The following ZFYVE28 variants were observed in gnomAD, a reference collection of about 807,000 sequenced individuals.
ZFYVE28 encodes the protein lateral signaling target protein 2 homolog.
Under a neutral mutation model 82.1 loss-of-function variants are expected in ZFYVE28, and 40 were observed. That is an observed-to-expected ratio of 0.49 (90% CI 0.38 to 0.63). The LOEUF (loss-of-function observed/expected upper bound fraction) is 0.63. Among genes scored for constraint, ZFYVE28 ranks in the 30% least tolerant of loss-of-function variants. ZFYVE28 has a pLI of 0.00. For synonymous variants in ZFYVE28, 612 were observed against 546.1 expected (o/e 1.12, Z -1.68); for missense variants, 1,321 against 1,242.1 (o/e 1.06, Z -0.96).
intron 2 of ZFYVE28, among the ~76,000 whole-genome samples, chr4:2,353,187 G>A (rs747492839): frequency 2.0e-5 from 3 of 152,332 alleles, no homozygotes; most frequent in Non-Finnish European, 2.9e-5. Flanking sequence ...AGTTCCCACC[G>A]CAGCAGGGCC....
At chr4:2,385,529 C>T (rs188618654) in intron 1 of ZFYVE28, among the ~76,000 whole-genome samples, 13 of 152,354 alleles carry the variant, frequency 8.5e-5, no homozygotes, top group African/African-American at 2.4e-4. Context: ...AGCAGCAAAG[C>T]GCCCCTTTGT....
At chr4:2,322,465 G>A (rs79194530) in intron 6 of ZFYVE28, among the ~76,000 whole-genome samples, 3,810 of 151,366 alleles carry the variant, frequency 0.025, 149 homozygotes, top group African/African-American at 0.079. Context: ...GGGTCTCGGT[G>A]TGGCCAGGGG....
chr4:2,343,588 T>G (rs3828563), intron 2 of ZFYVE28: 30,549 of 152,232 alleles, frequency 0.2, 3,232 homozygotes, highest in East Asian at 0.27. Flanking sequence ...AACAAACAAA[T>G]GAGCAAACAA....
At chr4:2,351,214 G>A (rs1004770859) in intron 2 of ZFYVE28, among the ~76,000 whole-genome samples, 2 of 152,084 alleles carry the variant, frequency 1.3e-5, no homozygotes, top group African/African-American at 2.4e-5. Flanking sequence ...CCCCACTGCT[G>A]TCCCCTGCAG....
rs939784164 is a variant in ZFYVE28, at chr4:2,270,660, C to T, written c.*65G>A. On this transcript the variant is annotated 3_prime_UTR_variant, in exon 13 of 13. Transcript: ENST00000290974. ...CATGAGACGCAGTGAGACCTGCCTG[C>T]AGCGTGGCCCCACCTTCCTGGGGGT... 3.1e-6 allele frequency: 5 copies of T among 1,603,982 alleles called. No homozygotes were observed. In the African/African-American group the frequency reaches 6.7e-5, roughly 21 times the overall value.
At chr4:2,364,435 C>T (rs1726586059) in intron 1 of ZFYVE28, 14 of 985,464 alleles carry the variant, frequency 1.4e-5, no homozygotes, top group Non-Finnish European at 1.6e-5. Context: ...AAGCAAACTG[C>T]CAGGAAAGGC....
intron 6 of ZFYVE28, chr4:2,324,917 T>G (rs1341114129): frequency 5.3e-6 from 1 of 188,676 alleles, no homozygotes; most frequent in East Asian, 1.2e-4. Context: ...GAAGCTGACT[T>G]ACCAACTTAC....
chr4:2,305,299 G>A lies in ZFYVE28; in HGVS notation c.1041C>T (p.Arg347=), dbSNP rs771809226. ...YDDQELEQLS[R]MVHRAGDEMS... ...TCTCGTCCCCCGCCCTGTGGACCAT[G>A]CGGCTGAGCTGCTCCAGCTCCTGGT... Residue 347 remains arginine (R), a synonymous_variant, in exon 8 of 13, where the codon CGC becomes CGT. Transcript: ENST00000290974. The A allele has an allele frequency of 1.2e-5, 20 of 1,613,034 alleles. No homozygotes were observed. The highest frequency in any genetic ancestry group is 1.6e-4 in the Middle Eastern group (1 of 6,084).
chr4:2,412,246 G>C (rs564976914), intron 1 of ZFYVE28, among the ~76,000 whole-genome samples: 2 of 152,166 alleles, frequency 1.3e-5, no homozygotes, highest in Admixed American at 1.3e-4. Flanking sequence ...GGAGGAACTG[G>C]AAGCTGTGAT....
Position 2,341,767 on chromosome 4 carries a change from G to A in ZFYVE28, c.181-152C>T, listed in dbSNP as rs1175529982. 2.0e-5 allele frequency: 23 copies of A among 1,168,816 alleles called. No individual in the cohort carries two copies. The highest frequency in any genetic ancestry group is 2.7e-5 in the Admixed American group (1 of 36,980). 72.4% of individuals were successfully genotyped at this position (1,168,816 alleles called of 1,614,324 possible). ...AGGCACGGTGGCTCATGCCTATAATGCCAGCACTTTGGGAGGCCGAGGCGG... is the reference window on the plus strand; with the variant it reads ...AGGCACGGTGGCTCATGCCTATAATACCAGCACTTTGGGAGGCCGAGGCGG... On this transcript the variant is annotated intron_variant, in intron 2 of 12. Transcript: ENST00000290974. The surrounding 1 kb of genome is among the most constrained non-coding windows in gnomAD (Gnocchi z 4.5).
intron 1 of ZFYVE28, among the ~76,000 whole-genome samples, chr4:2,392,124 A>C (rs1461357285): frequency 6.6e-6 from 1 of 151,506 alleles, no homozygotes; most frequent in African/African-American, 2.4e-5. Flanking sequence ...ATTGCACTCC[A>C]TCCTGGGCGA....
rs984361772 is a variant in ZFYVE28 at position 2,300,946 on chromosome 4, A to G, written c.2051+3343T>C. 1.3e-5 allele frequency among the ~76,000 whole-genome samples: 2 copies of G among 152,124 alleles called. No homozygotes were observed. Among genetic ancestry groups the G allele is most frequent in the Admixed American group, 6.5e-5 (1 of 15,282 alleles). On this transcript the variant is annotated intron_variant, in intron 8 of 12. Coordinates refer to ENST00000290974, the MANE Select transcript of ZFYVE28 (RefSeq NM_020972.3). The surrounding 1 kb of genome is among the most constrained non-coding windows in gnomAD (Gnocchi z 4.6). ...AGGCAAATACCACCCTCTCCGTCTC[A>G]GTCTCTCCCACTGCAGAATGGGAGG...
At chr4:2,298,388 G>A (rs1385337614) in intron 8 of ZFYVE28, among the ~76,000 whole-genome samples, 1 of 152,150 alleles carries the variant, frequency 6.6e-6, no homozygotes, top group Non-Finnish European at 1.5e-5. Context: ...CTGAGCAGTC[G>A]GTTCACCAGG....
intron 8 of ZFYVE28, among the ~76,000 whole-genome samples, chr4:2,292,525 C>T (rs1000794826): frequency 2.6e-5 from 4 of 152,290 alleles, no homozygotes; most frequent in Admixed American, 6.5e-5. Context: ...TGCCTGATAA[C>T]AAGTCAGTGC....
intron 1 of ZFYVE28, among the ~76,000 whole-genome samples, chr4:2,361,576 G>C (rs1560282795): frequency 6.6e-6 from 1 of 152,158 alleles, no homozygotes; most frequent in Non-Finnish European, 1.5e-5. Context: ...CAGGAGGGCT[G>C]GGGCTCCAAG....
At position 2,341,198 on chromosome 4, in the gene ZFYVE28, A is replaced by T; in HGVS notation, c.318+280T>A. On this transcript the variant is annotated intron_variant, in intron 3 of 12. Transcript: ENST00000290974. The surrounding 1 kb of genome is among the most constrained non-coding windows in gnomAD (Gnocchi z 4.5). ...ATTACTGCCATTAAAAACCACTTTTAGGTCCTGGCTGTCTGGGGGCCTGTG... is the reference window on the plus strand; with the variant it reads ...ATTACTGCCATTAAAAACCACTTTTTGGTCCTGGCTGTCTGGGGGCCTGTG... 1 of 509,764 alleles carries T rather than the reference A, an allele frequency of 2.0e-6. No individual in the cohort carries two copies. The allele number at this position is 509,764 out of a possible 1,614,324, so 31.6% of individuals were successfully genotyped here.
chr4:2,282,173 G>A (rs1382171632), intron 8 of ZFYVE28, among the ~76,000 whole-genome samples: 1 of 152,210 alleles, frequency 6.6e-6, no homozygotes, highest in Non-Finnish European at 1.5e-5. Context: ...TTCTGCAGCT[G>A]CCAGACACTC....
chr4:2,302,200 A>T (rs1177700586), intron 8 of ZFYVE28, among the ~76,000 whole-genome samples: 1 of 152,224 alleles, frequency 6.6e-6, no homozygotes, highest in Non-Finnish European at 1.5e-5. Flanking sequence ...CATTTTTGAA[A>T]ATTGAAGAAT....
chr4:2,359,530 C>T (rs1007447121), intron 1 of ZFYVE28, among the ~76,000 whole-genome samples: 1 of 152,204 alleles, frequency 6.6e-6, no homozygotes, highest in Non-Finnish European at 1.5e-5. Flanking sequence ...AATATGGACA[C>T]AGGCAGGTAG....
Sources: allele counts gnomAD v4.1 joint callset (sites outside exome capture counted in the v4.1 genomes callset), GRCh38; gene constraint gnomAD v4.1.1; non-coding constraint Gnocchi (gnomAD v3.1); transcripts MANE v1.5; gene names NCBI Gene and HGNC (gene_info 2026-07-23, HGNC 2026-07-21).